Variants in ATP8B4 observed in about 807,000 individuals in gnomAD.
ATP8B4 encodes probable phospholipid-transporting ATPase IM.
Under a neutral mutation model 145.6 loss-of-function variants are expected in ATP8B4, and 133 were observed. The observed-to-expected ratio is 0.91, with a 90% CI of 0.79 to 1.05. The LOEUF (loss-of-function observed/expected upper bound fraction) is 1.05, where lower values mean the gene tolerates loss of function less well. ATP8B4 is among the 50% of genes least tolerant of loss of function. ATP8B4 has a pLI of 0.00. For synonymous variants in ATP8B4, 507 were observed against 492.9 expected (o/e 1.03, Z -0.38); for missense variants, 1,458 against 1,425.2 (o/e 1.02, Z -0.37).
Position 49,931,305 on chromosome 15 carries a change from C to T in ATP8B4, c.1456G>A (p.Glu486Lys). 6.2e-7 allele frequency: 1 copy of T among 1,611,552 alleles called. No homozygotes were observed. The highest frequency in any genetic ancestry group is 2.2e-5 in the East Asian group (1 of 44,830). The change falls in exon 16 of 28, where the codon GAG becomes AAG. Residue 486 changes from glutamate to lysine, a missense_variant and splice_region_variant. Physicochemically the swap from Glu to Lys is moderately conservative, Grantham distance 56. Transcript: ENST00000284509. Reference protein sequence around the residue: ...TVMSEENSAGELIYQVQSPDE... With the variant: ...TVMSEENSAGKLIYQVQSPDE... ...GGTGACTGAACTTGGTAAATCAGCT[C>T]TCCTAAAAGGTAAAGAAACAAGTGT...
chr15:49,937,186 A>T (rs1475418217), intron 14 of ATP8B4, among the ~76,000 whole-genome samples: 2 of 152,176 alleles, frequency 1.3e-5, no homozygotes, highest in Non-Finnish European at 1.5e-5. Context: ...CTGCTCAGGC[A>T]TCTTTAACAC....
At chr15:50,138,428 T>C (rs113171884) in intron 1 of ATP8B4, among the ~76,000 whole-genome samples, 1 of 129,532 alleles carries the variant, frequency 7.7e-6, no homozygotes, top group Admixed American at 7.6e-5. Context: ...GATAGAGAGA[T>C]AGACAGACAG....
At chr15:50,172,193 G>A (rs1018021400) in intron 1 of ATP8B4, among the ~76,000 whole-genome samples, 4 of 152,204 alleles carry the variant, frequency 2.6e-5, no homozygotes, top group African/African-American at 9.7e-5. Context: ...CTGATGCCGA[G>A]CGGAGGCTGG....
At chr15:50,137,188 T>C (rs1446531528) in intron 1 of ATP8B4, among the ~76,000 whole-genome samples, 1 of 152,214 alleles carries the variant, frequency 6.6e-6, no homozygotes, top group Non-Finnish European at 1.5e-5. Context: ...TCATTCACTC[T>C]CTTTACATTC....
At chr15:50,040,799 A>G (rs2051219823) in intron 5 of ATP8B4, among the ~76,000 whole-genome samples, 1 of 152,204 alleles carries the variant, frequency 6.6e-6, no homozygotes, top group Non-Finnish European at 1.5e-5. Context: ...CCTGACTCTT[A>G]TTGACAATTT....
At chr15:49,879,986 C>T (rs2035133611) in intron 23 of ATP8B4, 1 of 152,348 alleles carries the variant, frequency 6.6e-6, no homozygotes, top group South Asian at 2.1e-4. Context: ...AATATCCCCT[C>T]ACACCTTTGT....
At chr15:49,918,788 T>C (rs2039982849) in intron 19 of ATP8B4, 51 bp downstream of exon 19, 1 of 1,351,524 alleles carries the variant, frequency 7.4e-7, no homozygotes, top group South Asian at 1.2e-5. Flanking sequence ...TTTTGTGATA[T>C]AAGTCATCTC....
intron 8 of ATP8B4, 85 bp from the exon 9 acceptor site, chr15:49,996,844 T>G (rs747608507): frequency 2.5e-5 from 25 of 1,018,668 alleles, no homozygotes; most frequent in Non-Finnish European, 3.7e-5. Context: ...GTGTAGCACA[T>G]GCAAAGCCAA....
chr15:49,963,975 A>G lies in ATP8B4; in HGVS notation c.1244-1955T>C, dbSNP rs1214115042. On this transcript the variant is annotated intron_variant, in intron 13 of 27. Transcript: ENST00000284509. ...AAATTATCACTGATCCTTATAATAA[A>G]CTTGCAAAGTGAAGATTTTCATTTC... Among the ~76,000 whole-genome samples the G allele has an allele frequency of 2.0e-5, 3 of 152,210 alleles. No individual in the cohort carries two copies. The East Asian group carries it at 5.8e-4, about 29-fold the overall frequency.
Position 49,999,911 on chromosome 15 carries a change from T to C in ATP8B4, c.506+2242A>G, listed in dbSNP as rs529931997. On this transcript the variant is annotated intron_variant, in intron 8 of 27. Transcript: ENST00000284509. ...TGTTCTCTATTTCCATGATTTTGCC[T>C]TTTCAAAAGGCAAAAATTTTATAAA... Among the ~76,000 whole-genome samples, 3 of 152,248 alleles carry C rather than the reference T, an allele frequency of 2.0e-5. No homozygotes were observed. In the East Asian group the frequency reaches 5.8e-4, roughly 29 times the overall value.
intron 14 of ATP8B4, among the ~76,000 whole-genome samples, chr15:49,957,672 T>C (rs2043696884): frequency 6.6e-6 from 1 of 151,952 alleles, no homozygotes. Context: ...CAAGAAGAAT[T>C]GAATGAGTCA....
intron 2 of ATP8B4, among the ~76,000 whole-genome samples, chr15:50,093,076 G>A (rs2055716090): frequency 6.6e-6 from 1 of 151,812 alleles, no homozygotes; most frequent in South Asian, 2.1e-4. Context: ...GAAGAAAAGA[G>A]TATCAATATA....
At chr15:50,153,539 G>A (rs975645026) in intron 1 of ATP8B4, among the ~76,000 whole-genome samples, 19 of 152,138 alleles carry the variant, frequency 1.2e-4, no homozygotes, top group Admixed American at 9.2e-4. Context: ...GGGTTTCACC[G>A]TGTTAGCCAG....
intron 2 of ATP8B4, among the ~76,000 whole-genome samples, chr15:50,085,925 T>TG (rs2054925310): frequency 9.1e-6 from 1 of 110,248 alleles, no homozygotes; most frequent in Non-Finnish European, 1.7e-5. Flanking sequence ...ATATGATATA[T>TG]ATCATATATA....
chr15:49,859,994 A>C lies in ATP8B4; in HGVS notation c.*200T>G. 1.8e-6 allele frequency: 1 copy of C among 570,746 alleles called. No homozygotes were observed. Among genetic ancestry groups the C allele is most frequent in the Non-Finnish European group, 2.9e-6 (1 of 346,660 alleles). The allele number at this position is 570,746 out of a possible 1,614,324, so 35.4% of individuals were successfully genotyped here. A position where few individuals can be genotyped will look rare whatever the true frequency, so the allele number is the denominator to read the frequency against. On this transcript the variant is annotated 3_prime_UTR_variant, in exon 28 of 28. Coordinates refer to ENST00000284509, the MANE Select transcript of ATP8B4 (RefSeq NM_024837.4). ...TGTTTTGTCCACCAAATCACAAACCAGACAGTGACCCTCTGGCCTGGTTTT... is the reference window on the plus strand; with the variant it reads ...TGTTTTGTCCACCAAATCACAAACCCGACAGTGACCCTCTGGCCTGGTTTT...
intron 2 of ATP8B4, among the ~76,000 whole-genome samples, chr15:50,098,952 A>C (rs1047478632): frequency 2.0e-5 from 3 of 152,222 alleles, no homozygotes; most frequent in African/African-American, 7.2e-5. Flanking sequence ...TTATACTGAC[A>C]TATTCATCAA....
intron 14 of ATP8B4, among the ~76,000 whole-genome samples, chr15:49,941,864 A>T (rs900235837): frequency 6.6e-6 from 1 of 152,268 alleles, no homozygotes; most frequent in Non-Finnish European, 1.5e-5. Context: ...TCAGCCATAA[A>T]AAAAGAATAA....
chr15:49,913,834 A>G (rs2039474670), intron 20 of ATP8B4, among the ~76,000 whole-genome samples: 1 of 152,238 alleles, frequency 6.6e-6, no homozygotes. Context: ...AAAAACCTCC[A>G]CAAGGAAAAC....
At chr15:50,168,804 G>A (rs1411451704) in intron 1 of ATP8B4, among the ~76,000 whole-genome samples, 2 of 152,140 alleles carry the variant, frequency 1.3e-5, no homozygotes, top group Non-Finnish European at 2.9e-5. Context: ...AGCCCCTCTC[G>A]CCCTCCTCCT....
Sources: gnomAD v4.1 joint callset for allele counts (sites outside exome capture counted in the v4.1 genomes callset) on GRCh38, gnomAD v4.1.1 for gene constraint, MANE v1.5 for transcripts, NCBI Gene and HGNC (gene_info 2026-07-23, HGNC 2026-07-21) for gene names.